TYW1: variants seen among roughly 807,000 people sequenced by gnomAD.
TYW1 encodes S-adenosyl-L-methionine-dependent tRNA 4-demethylwyosine synthase TYW1.
Under a neutral mutation model 96.2 loss-of-function variants are expected in TYW1, and 46 were observed. The observed-to-expected ratio is 0.48, with a 90% CI of 0.38 to 0.61. TYW1 has a LOEUF of 0.61. Among genes scored for constraint, TYW1 ranks in the 20% least tolerant of loss-of-function variants. The pLI is 0.00. For synonymous variants in TYW1, 274 were observed against 323.0 expected (o/e 0.85, Z 1.63); for missense variants, 684 against 909.6 (o/e 0.75, Z 3.19).
At chr7:67,084,814 G>A (rs370594609) in intron 11 of TYW1, among the ~76,000 whole-genome samples, 297 of 152,234 alleles carry the variant, frequency 2.0e-3, no homozygotes, top group Admixed American at 3.5e-3. Context: ...CTGAGAATGT[G>A]CATTTCTAAC....
In TYW1 at chr7:67,239,246, T is replaced by C; in HGVS notation, c.*717T>C. 1 of 985,480 alleles carries C rather than the reference T, an allele frequency of 1.0e-6. No individual in the cohort carries two copies. The highest frequency in any genetic ancestry group is 1.2e-6 in the Non-Finnish European group (1 of 829,998). 61.0% of individuals were successfully genotyped at this position (985,480 alleles called of 1,614,324 possible). A position where few individuals can be genotyped will look rare whatever the true frequency, so the allele number is the denominator to read the frequency against. ...TGGCCATGTGAGGGCATGGAGTCAT[T>C]AGTCTCACAAACACACTTTGGACTG... On this transcript the variant is annotated 3_prime_UTR_variant, in exon 16 of 16. Coordinates refer to ENST00000359626, the MANE Select transcript of TYW1 (RefSeq NM_018264.4).
rs1340608109 is a variant in TYW1, at chr7:67,107,872, G to A, written c.1562+9154G>A. On this transcript the variant is annotated intron_variant, in intron 12 of 15. Transcript: ENST00000359626. ...GGAGCCACCATGCCTGGCCAAGATG[G>A]ACTTTTTTTTTTTTTTTTTTTTAAG... Among the ~76,000 whole-genome samples, 8 of 141,772 alleles carry A rather than the reference G, an allele frequency of 5.6e-5. No homozygotes were observed. In the Admixed American group the frequency reaches 6.0e-4, roughly 11 times the overall value. The allele number at this position is 141,772 out of a possible 152,430, so 93.0% of individuals were successfully genotyped here.
At chr7:67,099,612 A>G (rs1389506398) in intron 12 of TYW1, among the ~76,000 whole-genome samples, 2 of 152,220 alleles carry the variant, frequency 1.3e-5, no homozygotes, top group Non-Finnish European at 2.9e-5. Context: ...CTGGGGAGAC[A>G]AGAAGCAGCA....
At chr7:67,098,045 G>A (rs1796974330) in intron 11 of TYW1, among the ~76,000 whole-genome samples, 1 of 152,100 alleles carries the variant, frequency 6.6e-6, no homozygotes, top group Non-Finnish European at 1.5e-5. Flanking sequence ...CCAGTATGAA[G>A]TATGAATTAT....
chr7:67,044,172 C>T (rs1296383119), intron 7 of TYW1, among the ~76,000 whole-genome samples: 1 of 138,106 alleles, frequency 7.2e-6, no homozygotes, highest in Non-Finnish European at 1.5e-5. Flanking sequence ...GATCTTGGCT[C>T]ATTGCAACCT....
chr7:67,041,309 TC>T (rs1420123696), intron 7 of TYW1, among the ~76,000 whole-genome samples: 1 of 152,128 alleles, frequency 6.6e-6, no homozygotes, highest in Non-Finnish European at 1.5e-5. Flanking sequence ...TTTTGTTTTT[TC>T]TTTTCTTTTT....
At chr7:67,037,806 T>TA (rs1794889082) in intron 7 of TYW1, among the ~76,000 whole-genome samples, 1 of 152,040 alleles carries the variant, frequency 6.6e-6, no homozygotes, top group South Asian at 2.1e-4. Flanking sequence ...TCTCTATTAA[T>TA]AAAAAAAATT....
At chr7:67,237,799 G>A (rs745774436) in intron 15 of TYW1, among the ~76,000 whole-genome samples, 10 of 152,020 alleles carry the variant, frequency 6.6e-5, no homozygotes, top group Non-Finnish European at 1.5e-4. Flanking sequence ...ATGAGATATT[G>A]TATCCACGTT....
chr7:67,230,634 C>G (rs1230396590), intron 15 of TYW1, among the ~76,000 whole-genome samples: 5 of 145,706 alleles, frequency 3.4e-5, no homozygotes, highest in African/African-American at 1.3e-4. Context: ...CCCCAACCCA[C>G]CATTTTGCTT....
intron 14 of TYW1, among the ~76,000 whole-genome samples, chr7:67,188,156 C>T (rs188745792): frequency 6.6e-6 from 1 of 152,146 alleles, no homozygotes; most frequent in African/African-American, 2.4e-5. Flanking sequence ...CCTGTCTCTA[C>T]TAAAAATACA....
chr7:67,099,201 T>G (rs560555251), intron 12 of TYW1, among the ~76,000 whole-genome samples: 1 of 152,072 alleles, frequency 6.6e-6, no homozygotes, highest in Admixed American at 6.6e-5. Context: ...AATTTTTTTA[T>G]TTTATTTTTT....
chr7:67,229,410 A>G (rs936563974), intron 15 of TYW1, among the ~76,000 whole-genome samples: 3 of 151,940 alleles, frequency 2.0e-5, no homozygotes, highest in Non-Finnish European at 4.4e-5. Context: ...GTGGTGGGGC[A>G]TGCCTGTAAT....
chr7:67,021,417 A>G (rs1794268305), intron 6 of TYW1, among the ~76,000 whole-genome samples: 1 of 152,246 alleles, frequency 6.6e-6, no homozygotes, highest in Non-Finnish European at 1.5e-5. Context: ...GTGCTTGCCT[A>G]AGTGACTTTG....
At position 67,183,476 on chromosome 7, in the gene TYW1, C is replaced by A. The variant is rs556699596; in HGVS notation, c.1809+240C>A. ...GCTAGTATTTTAGTGGGAGGATGGACAGTCCACACAAAGTGAGTCATTAAA... is the reference window on the plus strand; with the variant it reads ...GCTAGTATTTTAGTGGGAGGATGGAAAGTCCACACAAAGTGAGTCATTAAA... On this transcript the variant is annotated intron_variant, in intron 14 of 15. Coordinates refer to ENST00000359626, the MANE Select transcript of TYW1 (RefSeq NM_018264.4). 3.9e-5 allele frequency among the ~76,000 whole-genome samples: 6 copies of A among 152,250 alleles called. No homozygotes were observed. The East Asian group carries it at 1.2e-3, about 29-fold the overall frequency.
Position 67,116,290 on chromosome 7 carries a change from A to T in TYW1, c.1563-1193A>T, listed in dbSNP as rs536048726. Among the ~76,000 whole-genome samples, 9 of 150,986 alleles carry T rather than the reference A, an allele frequency of 6.0e-5. No homozygotes were observed. In the East Asian group the frequency reaches 1.7e-3, roughly 29 times the overall value. The stretch of plus-strand genomic sequence containing the variant: ...CAGTGAGCTGAGATTGCACCACTGT[A>T]CTCTAGCCTGGGTGGCAGAGGGAGA... On this transcript the variant is annotated intron_variant, in intron 12 of 15. Transcript: ENST00000359626.
chr7:67,068,224 G>T (rs1007222652), intron 10 of TYW1, among the ~76,000 whole-genome samples: 7 of 152,110 alleles, frequency 4.6e-5, no homozygotes, highest in African/African-American at 1.7e-4. Context: ...GTTTCACCAT[G>T]TTGGCCAGGC....
Position 67,238,823 on chromosome 7 carries a change from TATTATAACTTGTA to T in TYW1, c.*296_*308del, listed in dbSNP as rs1449195425. 2.5e-6 allele frequency: 3 copies of T among 1,210,452 alleles called. No individual in the cohort carries two copies. In the African/African-American group the frequency reaches 4.6e-5, roughly 19 times the overall value. The allele number at this position is 1,210,452 out of a possible 1,614,324, so 75.0% of individuals were successfully genotyped here. ...GATTAGAATTTATCTGATGGTTTTG[TATTATAACTTGTA>T]AGACCTGCCAGAATGCTAGTCCCGA... On this transcript the variant is annotated 3_prime_UTR_variant, in exon 16 of 16. Coordinates refer to ENST00000359626, the MANE Select transcript of TYW1 (RefSeq NM_018264.4).
At chr7:67,110,089 A>C (rs988601522) in intron 12 of TYW1, among the ~76,000 whole-genome samples, 2 of 152,278 alleles carry the variant, frequency 1.3e-5, no homozygotes, top group Non-Finnish European at 2.9e-5. Flanking sequence ...GTCTGGTGCA[A>C]AAAGCCTTTG....
chr7:67,145,350 C>G (rs532039259), intron 13 of TYW1, among the ~76,000 whole-genome samples: 1 of 151,760 alleles, frequency 6.6e-6, no homozygotes, highest in African/African-American at 2.4e-5. Context: ...GGGGTTTCAC[C>G]GTGTTAGCCA....
Sources: gnomAD v4.1 joint callset for allele counts (sites outside exome capture counted in the v4.1 genomes callset) on GRCh38, gnomAD v4.1.1 for gene constraint, MANE v1.5 for transcripts, NCBI Gene and HGNC (gene_info 2026-07-23, HGNC 2026-07-21) for gene names.